Variants in UGT2B7 observed in about 807,000 individuals in gnomAD.
UGT2B7 encodes the protein UDP glucuronosyltransferase family 2 member B7.
In UGT2B7, 51 loss-of-function variants were observed where a neutral mutation model predicts 51.9. That is an observed-to-expected ratio of 0.98 (90% CI 0.78 to 1.24). UGT2B7 has a LOEUF of 1.24. UGT2B7 is among the 50% of genes most tolerant of loss of function. The pLI is 0.00. For missense variants in UGT2B7, 727 were observed against 628.4 expected (o/e 1.16, Z -1.68); for synonymous variants, 225 against 211.6 (o/e 1.06, Z -0.55).
At chr4:69,070,105 C>T (rs751927492) in intron 1 of UGT2B7, among the ~76,000 whole-genome samples, 13 of 151,246 alleles carry the variant, frequency 8.6e-5, no homozygotes, top group Non-Finnish European at 1.0e-4. Context: ...TGCTTATCTA[C>T]GTATATTTTT....
intron 1 of UGT2B7, among the ~76,000 whole-genome samples, chr4:69,052,668 G>GA (rs1039365590): frequency 1.5e-5 from 1 of 66,234 alleles, no homozygotes; most frequent in East Asian, 5.9e-4. Flanking sequence ...GTTGTTTCAA[G>GA]AAAAAAATGT....
intron 5 of UGT2B7, among the ~76,000 whole-genome samples, chr4:69,111,920 A>T (rs1188403920): frequency 1.3e-5 from 2 of 152,240 alleles, no homozygotes; most frequent in African/African-American, 2.4e-5. Flanking sequence ...TTGGCCCTTT[A>T]AAAGCCTTTC....
Position 69,096,671 on chromosome 4 carries a change from C to T in UGT2B7, c.151C>T (p.His51Tyr), listed in dbSNP as rs777092380. ...TILDELIQRG[H>Y]EVTVLASSAS... Reference sequence around the variant, plus strand: ...CCTGGATGAGCTTATTCAGAGAGGTCATGAGGTGACTGTACTGGCATCTTC... The same window carrying T: ...CCTGGATGAGCTTATTCAGAGAGGTTATGAGGTGACTGTACTGGCATCTTC... Residue 51 changes from histidine to tyrosine, a missense_variant, in exon 1 of 6, where the codon CAT (histidine) becomes TAT (tyrosine). His to Tyr is a moderately conservative substitution (Grantham distance 83). Transcript: ENST00000305231. 2 of 1,613,870 alleles carry T rather than the reference C, an allele frequency of 1.2e-6. No individual in the cohort carries two copies. The highest frequency in any genetic ancestry group is 1.7e-6 in the Non-Finnish European group (2 of 1,179,942).
intron 1 of UGT2B7, among the ~76,000 whole-genome samples, chr4:69,098,018 T>C (rs1406574862): frequency 6.6e-6 from 1 of 152,160 alleles, no homozygotes; most frequent in Non-Finnish European, 1.5e-5. Context: ...TTAGCTTGAA[T>C]CTAAAAGAGT....
intron 3 of UGT2B7, among the ~76,000 whole-genome samples, chr4:69,103,400 A>G (rs1560510843): frequency 6.6e-6 from 1 of 152,158 alleles, no homozygotes. Context: ...CTTGGTATGC[A>G]TGAGTAGTTC....
At chr4:69,111,867 A>G (rs1162462495) in intron 5 of UGT2B7, among the ~76,000 whole-genome samples, 3 of 152,260 alleles carry the variant, frequency 2.0e-5, no homozygotes, top group Admixed American at 2.0e-4. Flanking sequence ...AAATTAAAAT[A>G]CACAAATTCG....
At chr4:69,059,396 A>C (rs1467347617) in intron 1 of UGT2B7, among the ~76,000 whole-genome samples, 1 of 152,218 alleles carries the variant, frequency 6.6e-6, no homozygotes, top group African/African-American at 2.4e-5. Context: ...GACCTACTTC[A>C]AAAACTGCAG....
At chr4:69,083,624 C>G (rs898211890) in intron 1 of UGT2B7, among the ~76,000 whole-genome samples, 1 of 152,038 alleles carries the variant, frequency 6.6e-6, no homozygotes, top group African/African-American at 2.4e-5. Context: ...CCTATTCCTA[C>G]ACAATTTCAT....
intron 1 of UGT2B7, among the ~76,000 whole-genome samples, chr4:69,060,692 C>G (rs1718326319): frequency 6.6e-6 from 1 of 152,232 alleles, no homozygotes; most frequent in Non-Finnish European, 1.5e-5. Context: ...AAGACACTAG[C>G]TATCACTGCT....
At chr4:69,061,688 G>T (rs1372519382) in intron 1 of UGT2B7, among the ~76,000 whole-genome samples, 1 of 152,150 alleles carries the variant, frequency 6.6e-6, no homozygotes, top group Non-Finnish European at 1.5e-5. Flanking sequence ...CATGATTAGG[G>T]TGTCATTTCT....
chr4:69,080,653 T>C (rs11249524), intron 1 of UGT2B7, among the ~76,000 whole-genome samples: 87,504 of 151,712 alleles, frequency 0.58, 26,241 homozygotes, highest in African/African-American at 0.71. Context: ...TTTTAAATAG[T>C]ATTCCTTTGA....
intron 1 of UGT2B7, among the ~76,000 whole-genome samples, chr4:69,075,058 T>C (rs1313115646): frequency 6.6e-6 from 1 of 152,158 alleles, no homozygotes; most frequent in Non-Finnish European, 1.5e-5. Context: ...AATGTTTCAG[T>C]AGTTGTAAAA....
upstream of UGT2B7, among the ~76,000 whole-genome samples, chr4:69,096,179 T>A (rs1161656445): frequency 1.3e-5 from 2 of 152,218 alleles, no homozygotes; most frequent in Non-Finnish European, 2.9e-5. Context: ...TTGTGTCAAA[T>A]GGACTGCAGA....
chr4:69,093,993 T>A (rs1330357683), upstream of UGT2B7, among the ~76,000 whole-genome samples: 1 of 152,206 alleles, frequency 6.6e-6, no homozygotes, highest in East Asian at 1.9e-4. Flanking sequence ...CAGCTTAAAA[T>A]ATTTTTAGAG....
At chr4:69,064,034 A>AGAC (rs1718417620) in intron 1 of UGT2B7, among the ~76,000 whole-genome samples, 4 of 91,006 alleles carry the variant, frequency 4.4e-5, no homozygotes, top group African/African-American at 1.8e-4. Flanking sequence ...GAAAGAAAGA[A>AGAC]AGAAAGAAAG....
intron 1 of UGT2B7, among the ~76,000 whole-genome samples, chr4:69,071,603 T>G (rs1352273172): frequency 6.6e-6 from 1 of 152,116 alleles, no homozygotes; most frequent in Non-Finnish European, 1.5e-5. Flanking sequence ...AGAGGCATAA[T>G]GATTATTTCT....
At chr4:69,082,358 A>C (rs1250210128) in intron 1 of UGT2B7, among the ~76,000 whole-genome samples, 1 of 151,824 alleles carries the variant, frequency 6.6e-6, no homozygotes, top group Non-Finnish European at 1.5e-5. Context: ...GAAAGACTTA[A>C]AGTTAAGCCT....
rs531833974 is a variant in UGT2B7, at chr4:69,085,017, T to C, written c.-158-4455T>C. ...GGATTGCTGGATCAAATGGTATTTATAGTTCTAGATCCTTGAAGAATCGCC... is the reference window on the plus strand; with the variant it reads ...GGATTGCTGGATCAAATGGTATTTACAGTTCTAGATCCTTGAAGAATCGCC... On this transcript the variant is annotated intron_variant, in intron 1 of 5. Transcript: ENST00000502942. Among the ~76,000 whole-genome samples, 3 of 152,272 alleles carry C rather than the reference T, an allele frequency of 2.0e-5. No individual in the cohort carries two copies. In the South Asian group the frequency reaches 6.2e-4, roughly 32 times the overall value.
chr4:69,105,844 C>T (rs1719578120), intron 3 of UGT2B7, among the ~76,000 whole-genome samples: 1 of 151,974 alleles, frequency 6.6e-6, no homozygotes. Flanking sequence ...TTTTGTCAAT[C>T]AAAGGACAAC....
Sources: gnomAD v4.1 joint callset for allele counts (sites outside exome capture counted in the v4.1 genomes callset) on GRCh38, gnomAD v4.1.1 for gene constraint, MANE v1.5 for transcripts, NCBI Gene and HGNC (gene_info 2026-07-23, HGNC 2026-07-21) for gene names.